EPC2: variants seen among roughly 807,000 people sequenced by gnomAD.
EPC2 encodes the protein enhancer of polycomb 2.
In EPC2, 14 loss-of-function variants were observed where a neutral mutation model predicts 92.1. That is an observed-to-expected ratio of 0.15 (90% CI 0.10 to 0.24). EPC2 has a LOEUF of 0.24. Among genes scored for constraint, EPC2 ranks in the 10% least tolerant of loss-of-function variants. The pLI is 1.00. For synonymous variants in EPC2, 340 were observed against 334.7 expected (o/e 1.02, Z -0.17); for missense variants, 755 against 971.5 (o/e 0.78, Z 2.96).
chr2:148,702,580 A>T (rs532240593), intron 2 of EPC2, among the ~76,000 whole-genome samples: 5 of 152,198 alleles, frequency 3.3e-5, no homozygotes, highest in Non-Finnish European at 7.3e-5. Flanking sequence ...ATATACCCAG[A>T]AGTGGATTTT....
intron 3 of EPC2, among the ~76,000 whole-genome samples, chr2:148,744,092 C>T (rs935702303): frequency 3.9e-5 from 6 of 151,990 alleles, no homozygotes; most frequent in Non-Finnish European, 8.8e-5. Flanking sequence ...AGGCAGTCAT[C>T]TTATGTCAAA....
chr2:148,676,289 A>G (rs1041343181), intron 1 of EPC2, among the ~76,000 whole-genome samples: 1 of 152,136 alleles, frequency 6.6e-6, no homozygotes, highest in Non-Finnish European at 1.5e-5. Flanking sequence ...CAAAGTAGCT[A>G]TAAGAAGTGA....
chr2:148,776,856 C>CTTTTTTTTTTTTTTTTTTT (rs56073706), intron 10 of EPC2, among the ~76,000 whole-genome samples: 2 of 101,042 alleles, frequency 2.0e-5, no homozygotes, highest in East Asian at 3.4e-4. Flanking sequence ...GTCTCTCTCT[C>CTTTTTTTTTTTTTTTTTTT]TTTTTTTTTT....
chr2:148,714,712 T>C (rs993480886), intron 2 of EPC2, among the ~76,000 whole-genome samples: 3 of 152,236 alleles, frequency 2.0e-5, no homozygotes, highest in African/African-American at 7.2e-5. Flanking sequence ...ATGTCTTCTT[T>C]GGAGAAGTGT....
intron 1 of EPC2, among the ~76,000 whole-genome samples, chr2:148,678,389 A>G (rs1681318000): frequency 6.6e-6 from 1 of 152,232 alleles, no homozygotes; most frequent in Non-Finnish European, 1.5e-5. Flanking sequence ...CTAGTCCCAC[A>G]CATTGCACCC....
chr2:148,718,288 T>C (rs1248042444), intron 2 of EPC2, among the ~76,000 whole-genome samples: 1 of 152,226 alleles, frequency 6.6e-6, no homozygotes, highest in Non-Finnish European at 1.5e-5. Flanking sequence ...CTCATCATGC[T>C]AGCTGGTTAT....
chr2:148,742,530 A>T (rs1369792849), intron 2 of EPC2, among the ~76,000 whole-genome samples: 3 of 152,114 alleles, frequency 2.0e-5, no homozygotes, highest in Admixed American at 6.5e-5. Flanking sequence ...AGGCAGACAG[A>T]TCGCTTGAGC....
chr2:148,749,193 A>G (rs1266698118), intron 3 of EPC2, among the ~76,000 whole-genome samples: 1 of 152,156 alleles, frequency 6.6e-6, no homozygotes, highest in Admixed American at 6.6e-5. Context: ...GTGTAAGACT[A>G]AATATTTGCT....
At chr2:148,774,473 A>G (rs1030253887) in intron 10 of EPC2, among the ~76,000 whole-genome samples, 4 of 151,978 alleles carry the variant, frequency 2.6e-5, no homozygotes, top group Middle Eastern at 3.4e-3. Flanking sequence ...CTAAAAATAC[A>G]AAAGTTAGCC....
chr2:148,707,991 TTAAGA>T (rs1243710294), intron 2 of EPC2, among the ~76,000 whole-genome samples: 1 of 148,822 alleles, frequency 6.7e-6, no homozygotes, highest in Non-Finnish European at 1.5e-5. Context: ...AAGAAATAAC[TTAAGA>T]TCAGAGCAGA....
At chr2:148,696,106 A>G (rs932410138) in intron 2 of EPC2, among the ~76,000 whole-genome samples, 2 of 152,244 alleles carry the variant, frequency 1.3e-5, no homozygotes, top group Non-Finnish European at 2.9e-5. Flanking sequence ...GTATCTGGGT[A>G]GGTACTAATC....
At chr2:148,657,506 G>A (rs916468192) in intron 1 of EPC2, among the ~76,000 whole-genome samples, 7 of 152,098 alleles carry the variant, frequency 4.6e-5, no homozygotes, top group Non-Finnish European at 7.4e-5. Context: ...GTCTGATTAA[G>A]TCTAGAATAG....
rs1277659537 is a variant in EPC2, at chr2:148,781,758, A to G, written c.1835A>G (p.Gln612Arg). ...AAACAGCAATCTCAGCATTCCTCGC[A>G]ACAGACACATCCAAAAGCACAGGTA... ...QQKQQSQHSS[Q>R]QTHPKAQGSS... Residue 612 changes from glutamine to arginine, a missense_variant, in exon 11 of 14, where the codon CAA becomes CGA. This residue lies in a region of EPC2 where 207 missense variants were observed against 260.5 expected (regional missense o/e 0.79). Coordinates refer to ENST00000258484, the MANE Select transcript of EPC2 (RefSeq NM_015630.4). 1.9e-6 allele frequency: 3 copies of G among 1,613,878 alleles called. No homozygotes were observed. The highest frequency in any genetic ancestry group is 2.5e-6 in the Non-Finnish European group (3 of 1,179,894).
At chr2:148,750,686 T>C (rs1683068297) in intron 3 of EPC2, among the ~76,000 whole-genome samples, 1 of 152,154 alleles carries the variant, frequency 6.6e-6, no homozygotes, top group South Asian at 2.1e-4. Flanking sequence ...GTTATCTATT[T>C]AGAATCATAA....
At chr2:148,740,294 T>G (rs1682856883) in intron 2 of EPC2, among the ~76,000 whole-genome samples, 1 of 151,982 alleles carries the variant, frequency 6.6e-6, no homozygotes, top group African/African-American at 2.4e-5. Flanking sequence ...ATCACTGCTT[T>G]TAAAGAATTT....
At chr2:148,688,477 G>A (rs1681574717) in intron 1 of EPC2, among the ~76,000 whole-genome samples, 1 of 152,032 alleles carries the variant, frequency 6.6e-6, no homozygotes, top group African/African-American at 2.4e-5. Context: ...ATGAGTTAAT[G>A]GGTGCAGCAC....
chr2:148,675,491 T>C (rs1035311374), intron 1 of EPC2, among the ~76,000 whole-genome samples: 1 of 152,178 alleles, frequency 6.6e-6, no homozygotes, highest in African/African-American at 2.4e-5. Flanking sequence ...CTTCTGTTCA[T>C]TTTTTTAGAT....
At chr2:148,681,678 G>A (rs1681400384) in intron 1 of EPC2, among the ~76,000 whole-genome samples, 1 of 151,926 alleles carries the variant, frequency 6.6e-6, no homozygotes, top group Non-Finnish European at 1.5e-5. Context: ...TGAAAAACAT[G>A]GGGTAAAATG....
rs1054758938 is a variant in EPC2 at position 148,645,308 on chromosome 2, C to G, written c.153+138C>G. The G allele has an allele frequency of 2.4e-5, 18 of 763,418 alleles. No individual in the cohort carries two copies. The African/African-American group carries it at 2.7e-4, about 12-fold the overall frequency. 47.3% of individuals were successfully genotyped at this position (763,418 alleles called of 1,614,324 possible). ...TCTAACGCACGGGACTCTACGCCGGCGGAGTAGCGTAAACCCTCTCGGCCG... is the reference window on the plus strand; with the variant it reads ...TCTAACGCACGGGACTCTACGCCGGGGGAGTAGCGTAAACCCTCTCGGCCG... On this transcript the variant is annotated intron_variant, in intron 1 of 13. Coordinates refer to ENST00000258484, the MANE Select transcript of EPC2 (RefSeq NM_015630.4).
Sources: gnomAD v4.1 joint callset for allele counts (sites outside exome capture counted in the v4.1 genomes callset) on GRCh38, gnomAD v4.1.1 for gene constraint, gnomAD v4.1.1 regional missense constraint, MANE v1.5 for transcripts, NCBI Gene and HGNC (gene_info 2026-07-23, HGNC 2026-07-21) for gene names.